GPHN: variants seen among roughly 807,000 people sequenced by gnomAD.
GPHN encodes gephyrin.
Under a neutral mutation model 95.5 loss-of-function variants are expected in GPHN, and 17 were observed. That is an observed-to-expected ratio of 0.18 (90% CI 0.12 to 0.27). The LOEUF (loss-of-function observed/expected upper bound fraction) is 0.27, where lower values mean the gene tolerates loss of function less well. GPHN is among the 10% of genes least tolerant of loss of function. The pLI is 1.00. For missense variants in GPHN, 660 were observed against 978.1 expected (o/e 0.67, Z 4.34); for synonymous variants, 320 against 322.5 (o/e 0.99, Z 0.08).
At chr14:67,214,467 G>A in the GPHN span, among the ~76,000 whole-genome samples, 2 of 152,186 alleles carry the variant, frequency 1.3e-5, no homozygotes, top group Admixed American at 6.5e-5. Flanking sequence ...TCAAAGATTA[G>A]ATAGTTGTAG....
chr14:66,867,657 A>G (rs1388750163), intron 4 of GPHN, among the ~76,000 whole-genome samples: 3 of 152,196 alleles, frequency 2.0e-5, no homozygotes, highest in Non-Finnish European at 4.4e-5. Flanking sequence ...TTGTCCTTTA[A>G]TAAGCAGAAG....
intron 10 of GPHN, among the ~76,000 whole-genome samples, chr14:67,053,540 A>G (rs1364654136): frequency 6.6e-6 from 1 of 152,222 alleles, no homozygotes; most frequent in African/African-American, 2.4e-5. Context: ...AGGTACAAAG[A>G]GGAGCTGGTA....
intron 1 of GPHN, among the ~76,000 whole-genome samples, chr14:66,661,743 T>C (rs867970342): frequency 6.7e-6 from 1 of 149,630 alleles, no homozygotes. Flanking sequence ...TGGTTCACAA[T>C]GTTTTGATTT....
At chr14:67,363,316 G>T in the GPHN span, among the ~76,000 whole-genome samples, 2 of 150,484 alleles carry the variant, frequency 1.3e-5, no homozygotes, top group African/African-American at 2.4e-5. Context: ...TCCCTATTTT[G>T]TAGGGATTTT....
intron 9 of GPHN, among the ~76,000 whole-genome samples, chr14:67,016,079 A>T (rs1202683175): frequency 6.6e-6 from 1 of 152,164 alleles, no homozygotes; most frequent in African/African-American, 2.4e-5. Context: ...ATCTGATTTG[A>T]TAAAAGACAG....
At chr14:67,307,248 A>T in the GPHN span, among the ~76,000 whole-genome samples, 3 of 143,226 alleles carry the variant, frequency 2.1e-5, no homozygotes, top group South Asian at 6.4e-4. Flanking sequence ...CGGCCTTTTT[A>T]AAAAAAGGAA....
chr14:67,245,276 A>G, the GPHN span, among the ~76,000 whole-genome samples: 3 of 152,194 alleles, frequency 2.0e-5, no homozygotes, highest in South Asian at 2.1e-4. Context: ...CACCAGCAAT[A>G]TATGAGAGGT....
At chr14:66,543,045 G>A (rs2059410780) in intron 1 of GPHN, among the ~76,000 whole-genome samples, 1 of 152,144 alleles carries the variant, frequency 6.6e-6, no homozygotes. Context: ...GAGAGAGAGA[G>A]TGGGGGGAGA....
At chr14:66,652,327 G>A (rs1487188239) in intron 1 of GPHN, among the ~76,000 whole-genome samples, 3 of 151,740 alleles carry the variant, frequency 2.0e-5, no homozygotes, top group Non-Finnish European at 4.4e-5. Flanking sequence ...ATTATTATTC[G>A]GTAATATTAT....
the GPHN span, among the ~76,000 whole-genome samples, chr14:67,341,774 C>T: frequency 2.0e-5 from 3 of 152,192 alleles, no homozygotes; most frequent in Admixed American, 6.5e-5. Flanking sequence ...ATAGAGAAAT[C>T]GGATGGTTGC....
chr14:67,451,536 A>C, the GPHN span, among the ~76,000 whole-genome samples: 1 of 152,242 alleles, frequency 6.6e-6, no homozygotes, highest in Non-Finnish European at 1.5e-5. Context: ...ATGGAATCAA[A>C]AGAGATCATT....
the GPHN span, among the ~76,000 whole-genome samples, chr14:67,286,582 G>A: frequency 1.3e-5 from 2 of 152,080 alleles, no homozygotes; most frequent in Non-Finnish European, 2.9e-5. Context: ...TTAGCCGGGC[G>A]TGGTGGCTCA....
At chr14:66,650,105 A>G (rs1479900255) in intron 1 of GPHN, among the ~76,000 whole-genome samples, 1 of 151,992 alleles carries the variant, frequency 6.6e-6, no homozygotes, top group African/African-American at 2.4e-5. Flanking sequence ...AAAAAAAAAA[A>G]AGCTGCATTT....
chr14:67,085,547 C>A (rs1413393250), intron 11 of GPHN, among the ~76,000 whole-genome samples: 9 of 152,114 alleles, frequency 5.9e-5, no homozygotes. Context: ...AAGCCCCTGT[C>A]TTAGAATATA....
chr14:67,603,481 A>G, the GPHN span, among the ~76,000 whole-genome samples: 1 of 152,198 alleles, frequency 6.6e-6, no homozygotes, highest in African/African-American at 2.4e-5. Context: ...GTAGTCTAAG[A>G]TCTCTAAAAT....
Position 66,508,942 on chromosome 14 carries a change from T to G in GPHN, c.64+351T>G, listed in dbSNP as rs976306374. Reference sequence around the variant, plus strand: ...GATCCCGGCTCCGCAGTCTGAAGCATGCCGCTCTCGGCTGGCCTGGGCGCA... The same window carrying G: ...GATCCCGGCTCCGCAGTCTGAAGCAGGCCGCTCTCGGCTGGCCTGGGCGCA... On this transcript the variant is annotated intron_variant, in intron 1 of 22. Transcript: ENST00000478722. 192 of 360,930 alleles carry G rather than the reference T, an allele frequency of 5.3e-4. 1 individual carries two copies. Among genetic ancestry groups the G allele is most frequent in the Non-Finnish European group, 1.1e-4 (21 of 188,786 alleles). The allele number at this position is 360,930 out of a possible 1,614,324, so 22.4% of individuals were successfully genotyped here. A position where few individuals can be genotyped will look rare whatever the true frequency, so the allele number is the denominator to read the frequency against.
chr14:66,551,425 G>A (rs1416952158), intron 1 of GPHN, among the ~76,000 whole-genome samples: 2 of 152,008 alleles, frequency 1.3e-5, no homozygotes, highest in African/African-American at 2.4e-5. Flanking sequence ...TTCATCCCTG[G>A]TCCTTAGCCC....
the GPHN span, among the ~76,000 whole-genome samples, chr14:67,276,351 A>G: frequency 6.6e-6 from 1 of 151,944 alleles, no homozygotes; most frequent in Non-Finnish European, 1.5e-5. Context: ...CTTCCTTCCT[A>G]TTGGTCATGT....
chr14:66,700,525 G>A (rs1424133788), intron 2 of GPHN, among the ~76,000 whole-genome samples: 1 of 151,836 alleles, frequency 6.6e-6, no homozygotes, highest in Non-Finnish European at 1.5e-5. Context: ...TATTGGTCTG[G>A]GACAACTCGG....
Sources: allele counts gnomAD v4.1 joint callset (sites outside exome capture counted in the v4.1 genomes callset), GRCh38; gene constraint gnomAD v4.1.1; transcripts MANE v1.5; gene names NCBI Gene and HGNC (gene_info 2026-07-23, HGNC 2026-07-21).